Variants in CDH22 observed in about 807,000 individuals in gnomAD.
The protein encoded by CDH22 is cadherin-22.
In CDH22, 30 loss-of-function variants were observed where a neutral mutation model predicts 58.4. The ratio of observed to expected loss-of-function variants is 0.51; its 90% confidence interval spans 0.38 to 0.70. CDH22 has a LOEUF of 0.70. Among genes scored for constraint, CDH22 ranks in the 30% least tolerant of loss-of-function variants. The probability of loss-of-function intolerance (pLI) is 0.00; values close to 1 mark genes in which losing one functional copy is unlikely to be tolerated. For missense variants in CDH22, 1,014 were observed against 1,233.9 expected (o/e 0.82, Z 2.67); for synonymous variants, 513 against 558.2 (o/e 0.92, Z 1.14).
chr20:46,280,681 G>A lies in CDH22; in HGVS notation c.-400+27574C>T, dbSNP rs563634344. 2.0e-3 allele frequency among the ~76,000 whole-genome samples: 306 copies of A among 152,344 alleles called. 1 individual carries two copies. The highest frequency in any genetic ancestry group is 6.9e-3 in the African/African-American group (286 of 41,580). ...ATAGACCTTGGCTATTGGACTCAGG[G>A]AGACCTGGATTTGAATGTCAGTTCT... On this transcript the variant is annotated intron_variant, in intron 1 of 11. Coordinates refer to ENST00000537909, the MANE Select transcript of CDH22 (RefSeq NM_021248.3).
chr20:46,275,728 C>T lies in CDH22; in HGVS notation c.-399-24035G>A, dbSNP rs184028068. 1.1e-3 allele frequency among the ~76,000 whole-genome samples: 170 copies of T among 151,726 alleles called. 1 individual carries two copies. Among genetic ancestry groups the T allele is most frequent in the Non-Finnish European group, 1.4e-3 (95 of 67,988 alleles). ...GTGCCAGGAGCTGAGCCTTCAGAAG[C>T]GCATTGAATGAGCAAATCTCTCACC... is the stretch of plus-strand genomic sequence containing the variant. On this transcript the variant is annotated intron_variant, in intron 1 of 11. Transcript: ENST00000537909.
intron 6 of CDH22, among the ~76,000 whole-genome samples, chr20:46,211,705 G>C (rs1167426317): frequency 6.6e-6 from 1 of 152,148 alleles, no homozygotes; most frequent in African/African-American, 2.4e-5. Context: ...GTGAAGCTGG[G>C]TTTCTCTGGG....
chr20:46,297,847 G>C (rs376042299), intron 1 of CDH22, among the ~76,000 whole-genome samples: 4 of 151,934 alleles, frequency 2.6e-5, no homozygotes, highest in Non-Finnish European at 5.9e-5. Context: ...CACTACCCAG[G>C]TGCCCTACCT....
At chr20:46,247,032 G>A (rs920320390) in intron 2 of CDH22, among the ~76,000 whole-genome samples, 1 of 119,018 alleles carries the variant, frequency 8.4e-6, no homozygotes, top group Non-Finnish European at 1.8e-5. Flanking sequence ...GGGTGGGGTG[G>A]GCTAATGACA....
At chr20:46,248,486 C>T (rs1407947815) in intron 2 of CDH22, among the ~76,000 whole-genome samples, 4 of 152,138 alleles carry the variant, frequency 2.6e-5, no homozygotes, top group Non-Finnish European at 4.4e-5. Context: ...GAAAATCAGG[C>T]TGGGGTTGAC....
At chr20:46,240,007 T>C (rs2086278792) in intron 3 of CDH22, among the ~76,000 whole-genome samples, 2 of 152,224 alleles carry the variant, frequency 1.3e-5, no homozygotes, top group Non-Finnish European at 2.9e-5. Context: ...GGCATAATCA[T>C]GTGTGCAGTG....
intron 10 of CDH22, among the ~76,000 whole-genome samples, chr20:46,180,926 T>TTTTG (rs374781014): frequency 3.5e-5 from 5 of 142,494 alleles, no homozygotes; most frequent in Admixed American, 7.0e-5. Context: ...AAAGTTTGTT[T>TTTTG]TGTGTGTGTG....
intron 4 of CDH22, among the ~76,000 whole-genome samples, chr20:46,226,278 TTCTTCTTCTTCTTC>T (rs1600705748): frequency 3.8e-4 from 1 of 2,618 alleles, no homozygotes; most frequent in African/African-American, 2.4e-3. Context: ...CTTCTTCTTC[TTCTTCTTCTTCTTC>T]TTTTTTTTTT....
intron 1 of CDH22, among the ~76,000 whole-genome samples, chr20:46,260,795 A>T (rs927795666): frequency 6.6e-6 from 1 of 152,122 alleles, no homozygotes; most frequent in Non-Finnish European, 1.5e-5. Context: ...CTCCCTTGTC[A>T]TCTGGCTTTC....
At chr20:46,273,127 C>T (rs1020446440) in intron 1 of CDH22, among the ~76,000 whole-genome samples, 23 of 152,100 alleles carry the variant, frequency 1.5e-4, no homozygotes, top group African/African-American at 5.6e-4. Flanking sequence ...AATCTCTCAC[C>T]TGATTTTCCA....
rs200576586 is a variant in CDH22 at position 46,223,612 on chromosome 20, CTTTTTCTTTCTTTCT to C, written c.670+3881_670+3895del. Among the ~76,000 whole-genome samples, 1,298 of 151,450 alleles carry C rather than the reference CTTTTTCTTTCTTTCT, an allele frequency of 8.6e-3. 17 individuals are homozygous for C. Among genetic ancestry groups the C allele is most frequent in the African/African-American group, 0.03 (1,214 of 40,874 alleles). ...CAGAAAGGCCTGTTGTGATTTCTTT[CTTTTTCTTTCTTTCT>C]TTTTTCTTTCTTTCTTTCTTTCTCT... On this transcript the variant is annotated intron_variant, in intron 4 of 11. Transcript: ENST00000537909.
chr20:46,305,168 T>C (rs2086669018), intron 1 of CDH22, among the ~76,000 whole-genome samples: 1 of 152,160 alleles, frequency 6.6e-6, no homozygotes, highest in South Asian at 2.1e-4. Context: ...ACAGACAACT[T>C]TCTTGTTAGG....
chr20:46,226,202 C>A (rs2086169887), intron 4 of CDH22, among the ~76,000 whole-genome samples: 1 of 151,874 alleles, frequency 6.6e-6, no homozygotes, highest in Non-Finnish European at 1.5e-5. Flanking sequence ...ACCTGGAATG[C>A]CCTTCTCTGA....
chr20:46,287,182 T>C (rs1193040450), intron 1 of CDH22, among the ~76,000 whole-genome samples: 1 of 152,122 alleles, frequency 6.6e-6, no homozygotes, highest in Non-Finnish European at 1.5e-5. Flanking sequence ...TGGGCCTCAG[T>C]TTCCTCCTCT....
chr20:46,235,332 T>G (rs2086245374), intron 3 of CDH22, among the ~76,000 whole-genome samples: 1 of 152,194 alleles, frequency 6.6e-6, no homozygotes, highest in African/African-American at 2.4e-5. Flanking sequence ...TCCCTGACAT[T>G]GAAAGAATGT....
rs573264661 is a variant in CDH22 at position 46,178,534 on chromosome 20, C to T, written c.1664-337G>A. Reference sequence around the variant, plus strand: ...TCCTCAGCTGTGCCAAGGTCCCCAGCTATTCCCAGATTCCGTCCCCAGCTA... The same window carrying T: ...TCCTCAGCTGTGCCAAGGTCCCCAGTTATTCCCAGATTCCGTCCCCAGCTA... On this transcript the variant is annotated intron_variant, in intron 10 of 11. Transcript: ENST00000537909. 5.4e-4 allele frequency among the ~76,000 whole-genome samples: 82 copies of T among 150,774 alleles called. 1 individual carries two copies. In the South Asian group the frequency reaches 0.012, roughly 22 times the overall value.
chr20:46,206,157 G>A (rs1019940145), intron 7 of CDH22, among the ~76,000 whole-genome samples: 1 of 152,154 alleles, frequency 6.6e-6, no homozygotes, highest in Non-Finnish European at 1.5e-5. Flanking sequence ...AGGGGAGGAC[G>A]CTGCACCAGT....
At chr20:46,231,408 G>GGGA (rs2145716259) in intron 3 of CDH22, among the ~76,000 whole-genome samples, 1 of 152,286 alleles carries the variant, frequency 6.6e-6, no homozygotes, top group South Asian at 2.1e-4. Flanking sequence ...AGGACTCTTG[G>GGGA]GGAGGAGCCC....
intron 4 of CDH22, among the ~76,000 whole-genome samples, chr20:46,217,814 T>A (rs1337636851): frequency 1.3e-5 from 2 of 151,782 alleles, no homozygotes; most frequent in Non-Finnish European, 2.9e-5. Flanking sequence ...CAAATACACA[T>A]CCTCCCACAC....
Sources: allele counts gnomAD v4.1 joint callset (sites outside exome capture counted in the v4.1 genomes callset), GRCh38; gene constraint gnomAD v4.1.1; transcripts MANE v1.5; gene names NCBI Gene and HGNC (gene_info 2026-07-23, HGNC 2026-07-21).